The following DDX10 variants were observed in gnomAD, a reference collection of about 807,000 sequenced individuals.
The protein encoded by DDX10 is DEAD-box helicase 10, also known as probable ATP-dependent RNA helicase DDX10.
Under a neutral mutation model 104.3 loss-of-function variants are expected in DDX10, and 74 were observed. The observed-to-expected ratio is 0.71, with a 90% confidence interval of 0.59 to 0.86. The LOEUF is 0.86. DDX10 is among the 40% of genes least tolerant of loss of function. DDX10 has a pLI of 0.00. For synonymous variants in DDX10, 351 were observed against 353.4 expected, an observed-to-expected ratio of 0.99 and a Z score of 0.08; for missense variants, 952 against 1,040.0, an observed-to-expected ratio of 0.92 and a Z score of 1.16.
intron 16 of DDX10, among the ~76,000 whole-genome samples, chr11:108,884,078 C>G (rs1458907546): frequency 6.6e-6 from 1 of 152,184 alleles, no homozygotes; most frequent in African/African-American, 2.4e-5. Context: ...ATTTCTATCT[C>G]TAGCTGTGAC....
chr11:108,917,864 A>AT lies in DDX10; in HGVS notation c.2305-3dup. 6.2e-7 allele frequency: 1 copy of AT among 1,607,528 alleles called. No individual in the cohort carries two copies. ...TTCAACTGCAGTTTCCCTTATTATT[A>AT]TTTTTTAGGCCAAAGATGAAGAGGA... is the stretch of plus-strand genomic sequence containing the variant. On this transcript the variant is annotated splice_polypyrimidine_tract_variant and intron_variant, in intron 16 of 17. Transcript: ENST00000322536.
At chr11:108,687,603 T>C (rs1431794762) in intron 6 of DDX10, among the ~76,000 whole-genome samples, 1 of 152,226 alleles carries the variant, frequency 6.6e-6, no homozygotes, top group Non-Finnish European at 1.5e-5. Context: ...ATTTTTGGCC[T>C]CCTTCCCCCT....
intron 10 of DDX10, among the ~76,000 whole-genome samples, chr11:108,710,814 G>A (rs1371044771): frequency 6.6e-6 from 1 of 152,188 alleles, no homozygotes; most frequent in Non-Finnish European, 1.5e-5. Flanking sequence ...ATAGTGTTAT[G>A]ATGGCTGCGA....
At chr11:108,675,459 C>A in intron 2 of DDX10, 137 bp from the exon 3 acceptor site, 1 of 910,362 alleles carries the variant, frequency 1.1e-6, no homozygotes. Context: ...AAGGCCCTGT[C>A]TCCAAGTATA....
intron 1 of DDX10, among the ~76,000 whole-genome samples, chr11:108,672,904 T>C (rs1209636066): frequency 6.6e-6 from 1 of 152,232 alleles, no homozygotes; most frequent in East Asian, 1.9e-4. Flanking sequence ...TTCCCCTGTG[T>C]TGAAATAATA....
rs747667955 is a variant in DDX10 at position 108,918,017 on chromosome 11, A to G, written c.2449A>G (p.Ser817Gly). 1 of 1,613,424 alleles carries G rather than the reference A, an allele frequency of 6.2e-7. No individual in the cohort carries two copies. Among genetic ancestry groups the G allele is most frequent in the South Asian group, 1.1e-5 (1 of 91,068 alleles). The change falls in exon 17 of 18, where the codon AGT (serine) becomes GGT (glycine). Residue 817 changes from serine (S) to glycine (G), a missense_variant and splice_region_variant. Physicochemically the swap from Ser to Gly is moderately conservative, Grantham distance 56 (BLOSUM62 0). This residue lies in a region of DDX10 where 533 missense variants were observed against 534.1 expected (regional missense o/e 1.00). Transcript: ENST00000322536. ...SDSEDMENKI[S>G]DTKKKQGMKK... is the part of the protein sequence containing the mutation. Reference sequence around the variant, plus strand: ...TAGTGAAGATATGGAAAATAAAATAAGGTATGTTTTTACTATGGGTATGAA... The same window carrying G: ...TAGTGAAGATATGGAAAATAAAATAGGGTATGTTTTTACTATGGGTATGAA...
intron 9 of DDX10, among the ~76,000 whole-genome samples, chr11:108,698,879 G>A (rs1279260553): frequency 6.6e-6 from 1 of 152,144 alleles, no homozygotes; most frequent in Non-Finnish European, 1.5e-5. Flanking sequence ...TTATGTGCCA[G>A]GCGTGCTTTT....
At chr11:108,791,609 A>G (rs1861871882) in intron 13 of DDX10, among the ~76,000 whole-genome samples, 2 of 152,184 alleles carry the variant, frequency 1.3e-5, no homozygotes, top group South Asian at 2.1e-4. Flanking sequence ...ATACCTTCCA[A>G]TTTAGTTCTG....
chr11:108,788,813 G>A (rs1367731412), intron 13 of DDX10, among the ~76,000 whole-genome samples: 1 of 152,192 alleles, frequency 6.6e-6, no homozygotes. Flanking sequence ...TTTGTACTTT[G>A]GTTCTTTTGT....
At chr11:108,779,015 A>G (rs548992383) in intron 13 of DDX10, among the ~76,000 whole-genome samples, 15 of 152,370 alleles carry the variant, frequency 9.8e-5, no homozygotes, top group African/African-American at 3.4e-4. Flanking sequence ...TAGAATGGCA[A>G]TCATTAAAAA....
intron 13 of DDX10, among the ~76,000 whole-genome samples, chr11:108,729,204 CTT>C (rs2134482509): frequency 6.6e-6 from 1 of 152,218 alleles, no homozygotes; most frequent in Non-Finnish European, 1.5e-5. Context: ...ACCTAGGTCT[CTT>C]TGGGTTATCG....
intron 6 of DDX10, 41 bp downstream of exon 6, chr11:108,679,601 T>C: frequency 7.0e-7 from 1 of 1,427,228 alleles, no homozygotes; most frequent in Non-Finnish European, 9.4e-7. Context: ...TGTTTTTTAC[T>C]TTTTTAGTTT....
chr11:108,909,594 G>A (rs1223424019), intron 16 of DDX10, among the ~76,000 whole-genome samples: 1 of 152,150 alleles, frequency 6.6e-6, no homozygotes, highest in Non-Finnish European at 1.5e-5. Context: ...TCTATGAAAA[G>A]TTGTAGAGAA....
In DDX10 at chr11:108,740,198, A is replaced by G. The variant is rs180977488; in HGVS notation, c.1965+16736A>G. 9.9e-5 allele frequency among the ~76,000 whole-genome samples: 15 copies of G among 152,116 alleles called. No individual in the cohort carries two copies. In the East Asian group the frequency reaches 2.9e-3, roughly 29 times the overall value. On this transcript the variant is annotated intron_variant, in intron 13 of 17. Transcript: ENST00000322536. ...TTGCCTTCAGATCCATATGTACTCA[A>G]TGTTTAACTTGCACTTATAAGTGAG...
At chr11:108,782,756 G>A (rs558325242) in intron 13 of DDX10, among the ~76,000 whole-genome samples, 39 of 152,184 alleles carry the variant, frequency 2.6e-4, no homozygotes, top group Non-Finnish European at 4.0e-4. Context: ...AGTATTTAGA[G>A]TGTGAGGAGG....
At chr11:108,910,728 C>CGTGTGTGTGTGTGTGT (rs56191738) in intron 16 of DDX10, among the ~76,000 whole-genome samples, 9 of 127,754 alleles carry the variant, frequency 7.0e-5, no homozygotes, top group South Asian at 2.8e-4. Context: ...AGCGTGCATG[C>CGTGTGTGTGTGTGTGT]GTGTGTGTGT....
At chr11:108,906,211 T>G (rs1162747433) in intron 16 of DDX10, among the ~76,000 whole-genome samples, 1 of 152,238 alleles carries the variant, frequency 6.6e-6, no homozygotes, top group East Asian at 1.9e-4. Context: ...ACATTGATAC[T>G]CCTTTGAGCC....
intron 13 of DDX10, among the ~76,000 whole-genome samples, chr11:108,834,093 C>T (rs934207015): frequency 6.6e-6 from 1 of 151,544 alleles, no homozygotes; most frequent in African/African-American, 2.4e-5. Context: ...GTAGCTAAGA[C>T]TACAGGCCTG....
At chr11:108,884,660 C>G (rs1350284783) in intron 16 of DDX10, among the ~76,000 whole-genome samples, 1 of 152,220 alleles carries the variant, frequency 6.6e-6, no homozygotes, top group African/African-American at 2.4e-5. Context: ...CTCTAACTCT[C>G]TATCCCCACC....
Sources: gnomAD v4.1 joint callset for allele counts (sites outside exome capture counted in the v4.1 genomes callset) on GRCh38, gnomAD v4.1.1 for gene constraint, gnomAD v4.1.1 regional missense constraint, MANE v1.5 for transcripts, NCBI Gene and HGNC (gene_info 2026-07-23, HGNC 2026-07-21) for gene names.